The following RNF19A variants were observed in gnomAD, a reference collection of about 807,000 sequenced individuals.
RNF19A encodes the protein E3 ubiquitin-protein ligase RNF19A.
RNF19A carries 32 observed loss-of-function variants against 75.7 expected under a neutral mutation model. That is an observed-to-expected ratio of 0.42 (90% confidence interval 0.32 to 0.57). The LOEUF (loss-of-function observed/expected upper bound fraction) is 0.57, where lower values mean the gene tolerates loss of function less well. Ranked by LOEUF, RNF19A falls within the 20% of genes least tolerant of loss-of-function variation. RNF19A has a pLI of 0.10. For synonymous variants in RNF19A, 335 were observed against 345.2 expected (o/e 0.97, Z 0.33); for missense variants, 782 against 1,036.3 (o/e 0.75, Z 3.37).
chr8:100,313,314 C>T (rs1368666238), upstream of RNF19A: 4 of 984,280 alleles, frequency 4.1e-6, no homozygotes, highest in Admixed American at 2.5e-4. Flanking sequence ...ACCAAAGAGG[C>T]TGTAACTTAG....
At chr8:100,286,932 A>C (rs1821049060) in intron 2 of RNF19A, among the ~76,000 whole-genome samples, 1 of 152,224 alleles carries the variant, frequency 6.6e-6, no homozygotes, top group African/African-American at 2.4e-5. Context: ...AATGTTGAGA[A>C]TATGGTATGT....
chr8:100,278,043 A>C (rs1264531139), intron 2 of RNF19A, among the ~76,000 whole-genome samples: 1 of 152,258 alleles, frequency 6.6e-6, no homozygotes, highest in Non-Finnish European at 1.5e-5. Context: ...GGCCAGTTCA[A>C]ATTCTACTTC....
At chr8:100,306,038 T>G (rs1420191944) in intron 1 of RNF19A, among the ~76,000 whole-genome samples, 1 of 152,194 alleles carries the variant, frequency 6.6e-6, no homozygotes, top group East Asian at 1.9e-4. Flanking sequence ...CTCTAACAAC[T>G]CTGGCTCCCT....
In RNF19A at chr8:100,323,945, T is replaced by C. The variant is rs943315769; in HGVS notation, c.-242-10573A>G. Among the ~76,000 whole-genome samples, 1 of 152,196 alleles carries C rather than the reference T, an allele frequency of 6.6e-6. No individual in the cohort carries two copies. The highest frequency in any genetic ancestry group is 1.9e-4 in the East Asian group (1 of 5,206). Reference sequence around the variant, plus strand: ...GATAACTCAGCAAGGGAGAAAAATTTATCTGAGGTCTCGGGGCCAGAGATC... The same window carrying C: ...GATAACTCAGCAAGGGAGAAAAATTCATCTGAGGTCTCGGGGCCAGAGATC... On this transcript the variant is annotated intron_variant, in intron 1 of 3. Transcript: ENST00000519527. This position sits in a 1 kb window ranked among gnomAD's most constrained non-coding sequence, Gnocchi z 4.6.
chr8:100,320,792 G>C (rs1396435516), intron 1 of RNF19A, among the ~76,000 whole-genome samples: 3 of 152,038 alleles, frequency 2.0e-5, no homozygotes, highest in African/African-American at 7.3e-5. Flanking sequence ...AAGATATTGT[G>C]GGTTCAGTTC....
intron 3 of RNF19A, among the ~76,000 whole-genome samples, chr8:100,271,156 T>C (rs1291100805): frequency 7.2e-6 from 1 of 138,278 alleles, no homozygotes; most frequent in East Asian, 2.0e-4. Context: ...CCAAAGATGC[T>C]TTTTTTTTTT....
chr8:100,331,965 T>C lies in RNF19A; in HGVS notation c.-243+4143A>G, dbSNP rs1262733225. Among the ~76,000 whole-genome samples the C allele has an allele frequency of 2.0e-5, 3 of 152,252 alleles. No homozygotes were observed. The highest frequency in any genetic ancestry group is 7.2e-5 in the African/African-American group (3 of 41,460). On this transcript the variant is annotated intron_variant, in intron 1 of 3. Transcript: ENST00000519527. The surrounding 1 kb of genome is among the most constrained non-coding windows in gnomAD (Gnocchi z 5.2). Reference sequence around the variant, plus strand: ...ACAGTTCTTTTTAATGGCTGCATGATATTTAACTTTACAGATACACCATAT... The same window carrying C: ...ACAGTTCTTTTTAATGGCTGCATGACATTTAACTTTACAGATACACCATAT...
At chr8:100,309,646 G>T (rs753586387) in intron 1 of RNF19A, 2 of 921,980 alleles carry the variant, frequency 2.2e-6, no homozygotes, top group Admixed American at 6.2e-5. Flanking sequence ...CCGGGTAGGG[G>T]ACCCGGAGCT....
chr8:100,264,328 T>C lies in RNF19A; in HGVS notation c.1307-133A>G. On this transcript the variant is annotated intron_variant, in intron 6 of 9. Coordinates refer to ENST00000341084, the MANE Select transcript of RNF19A (RefSeq NM_183419.4). The surrounding 1 kb of genome is among the most constrained non-coding windows in gnomAD (Gnocchi z 4.7). ...GGGTTCTGAAGAGTTGGCTGGAACA[T>C]TTGCCAAAAGTAGATTTACCCAGTT... 2.5e-6 allele frequency: 2 copies of C among 785,662 alleles called. No homozygotes were observed. Among genetic ancestry groups the C allele is most frequent in the Non-Finnish European group, 3.9e-6 (2 of 512,956 alleles). 48.7% of individuals were successfully genotyped at this position (785,662 alleles called of 1,614,324 possible). A position where few individuals can be genotyped will look rare whatever the true frequency, so the allele number is the denominator to read the frequency against.
intron 1 of RNF19A, among the ~76,000 whole-genome samples, chr8:100,291,755 TTC>T (rs1821304836): frequency 6.6e-6 from 1 of 152,212 alleles, no homozygotes. Context: ...CTTCTGTCAC[TTC>T]TCAAACAGCT....
At chr8:100,334,714 C>T (rs1423152846) in intron 1 of RNF19A, among the ~76,000 whole-genome samples, 1 of 152,194 alleles carries the variant, frequency 6.6e-6, no homozygotes, top group East Asian at 1.9e-4. Context: ...GACCCAGCCC[C>T]GCTGGCGTGC....
upstream of RNF19A, among the ~76,000 whole-genome samples, chr8:100,311,741 AAAAG>A (rs1270623429): frequency 2.5e-4 from 29 of 116,380 alleles, no homozygotes; most frequent in Admixed American, 1.5e-3. Flanking sequence ...AAAAAAAAAG[AAAAG>A]AAAATAGATC....
At chr8:100,307,409 T>C (rs572178058) in intron 1 of RNF19A, among the ~76,000 whole-genome samples, 1 of 152,156 alleles carries the variant, frequency 6.6e-6, no homozygotes, top group Non-Finnish European at 1.5e-5. Context: ...AAACTACATA[T>C]CTCAACCATC....
chr8:100,289,819 T>C (rs1821203822), intron 1 of RNF19A, among the ~76,000 whole-genome samples: 1 of 152,142 alleles, frequency 6.6e-6, no homozygotes, highest in Non-Finnish European at 1.5e-5. Context: ...AATGTACACA[T>C]ACATTAAAAG....
Position 100,259,756 on chromosome 8 carries a change from T to A in RNF19A, c.1826+98A>T. 1 of 1,054,126 alleles carries A rather than the reference T, an allele frequency of 9.5e-7. No homozygotes were observed. Among genetic ancestry groups the A allele is most frequent in the Non-Finnish European group, 1.4e-6 (1 of 728,434 alleles). 65.3% of individuals were successfully genotyped at this position (1,054,126 alleles called of 1,614,324 possible). ...TGTTTCCTTTTCTCAGAGAACTTAA[T>A]AGTTGGTAGCCACTTTTCACTGGTA... On this transcript the variant is annotated intron_variant, in intron 9 of 9. Transcript: ENST00000341084. This position sits in a 1 kb window ranked among gnomAD's most constrained non-coding sequence, Gnocchi z 4.5.
chr8:100,279,080 TA>T (rs1200782230), intron 2 of RNF19A, among the ~76,000 whole-genome samples: 1 of 152,206 alleles, frequency 6.6e-6, no homozygotes, highest in Non-Finnish European at 1.5e-5. Context: ...TCTAGAGACT[TA>T]AACTCATGAA....
chr8:100,296,974 T>C (rs1320071966), intron 1 of RNF19A, among the ~76,000 whole-genome samples: 2 of 152,184 alleles, frequency 1.3e-5, no homozygotes, highest in African/African-American at 4.8e-5. Flanking sequence ...CCATCACATG[T>C]ATTGAAAACA....
At position 100,257,896 on chromosome 8, in the gene RNF19A, T is replaced by G; in HGVS notation, c.*660A>C. The G allele has an allele frequency of 2.5e-6, 1 of 397,778 alleles. No individual in the cohort carries two copies. The highest frequency in any genetic ancestry group is 3.6e-5 in the East Asian group (1 of 27,934). The allele number at this position is 397,778 out of a possible 1,614,324, so 24.6% of individuals were successfully genotyped here. A position where few individuals can be genotyped will look rare whatever the true frequency, so the allele number is the denominator to read the frequency against. ...ATGCTTAATTACTTACCTTTACATT[T>G]TTTCCTCTAAGATGGCATCAACAAT... is the stretch of plus-strand genomic sequence containing the variant. On this transcript the variant is annotated 3_prime_UTR_variant, in exon 10 of 10. Coordinates refer to ENST00000341084, the MANE Select transcript of RNF19A (RefSeq NM_183419.4).
chr8:100,335,225 T>C (rs764737643), intron 1 of RNF19A, among the ~76,000 whole-genome samples: 1 of 152,238 alleles, frequency 6.6e-6, no homozygotes, highest in Non-Finnish European at 1.5e-5. Context: ...ATAATACTAA[T>C]AGTTAACAAT....
Sources: allele counts gnomAD v4.1 joint callset (sites outside exome capture counted in the v4.1 genomes callset), GRCh38; gene constraint gnomAD v4.1.1; non-coding constraint Gnocchi (gnomAD v3.1); transcripts MANE v1.5; gene names NCBI Gene and HGNC (gene_info 2026-07-23, HGNC 2026-07-21).